NTNG1: variants seen among roughly 807,000 people sequenced by gnomAD.
NTNG1 encodes netrin-G1.
NTNG1 carries 16 observed loss-of-function variants against 54.0 expected under a neutral mutation model. That is an observed-to-expected ratio of 0.30 (90% confidence interval 0.20 to 0.45). The LOEUF (loss-of-function observed/expected upper bound fraction) is 0.45. Among genes scored for constraint, NTNG1 ranks in the 20% least tolerant of loss-of-function variants. The pLI is 1.00. For synonymous variants in NTNG1, 255 were observed against 263.1 expected, an observed-to-expected ratio of 0.97 and a Z score of 0.30; for missense variants, 530 against 678.7, an observed-to-expected ratio of 0.78 and a Z score of 2.43.
chr1:107,148,096 T>C lies in NTNG1; in HGVS notation c.-498T>C, dbSNP rs1275115438. On this transcript the variant is annotated 5_prime_UTR_variant, in exon 2 of 8. Transcript: ENST00000370068. ...TGTTGGTGCCAGAAGAAAAGAATGA[T>C]TGATGGGAAACAGACACCGGGCTAT... is the stretch of plus-strand genomic sequence containing the variant. The C allele has an allele frequency of 6.5e-6, 1 of 154,688 alleles. No homozygotes were observed. Among genetic ancestry groups the C allele is most frequent in the Non-Finnish European group, 1.4e-5 (1 of 69,748 alleles). The allele number at this position is 154,688 out of a possible 1,614,324, so 9.6% of individuals were successfully genotyped here.
chr1:107,431,065 T>C, intron 6 of NTNG1, 148 bp downstream of exon 6: 1 of 696,372 alleles, frequency 1.4e-6, no homozygotes. Context: ...ATTTCACTTG[T>C]GATTTCACTT....
chr1:107,238,965 G>A (rs190047837), intron 2 of NTNG1, among the ~76,000 whole-genome samples: 150 of 152,154 alleles, frequency 9.9e-4, no homozygotes, highest in African/African-American at 3.3e-3. Flanking sequence ...AGAAAGAGGC[G>A]AAGACAAACT....
At chr1:107,308,943 G>C (rs1469440780) in intron 2 of NTNG1, among the ~76,000 whole-genome samples, 2 of 152,034 alleles carry the variant, frequency 1.3e-5, no homozygotes, top group African/African-American at 4.8e-5. Context: ...CTTGACTGTT[G>C]TTGGCTTATC....
intron 5 of NTNG1, among the ~76,000 whole-genome samples, chr1:107,412,247 T>C (rs987335088): frequency 5.9e-5 from 9 of 152,216 alleles, no homozygotes; most frequent in Non-Finnish European, 1.3e-4. Flanking sequence ...TATGAATTCC[T>C]GTACTGTGCC....
intron 3 of NTNG1, among the ~76,000 whole-genome samples, chr1:107,327,715 C>T (rs1326911509): frequency 6.6e-6 from 1 of 151,956 alleles, no homozygotes; most frequent in Non-Finnish European, 1.5e-5. Flanking sequence ...CCCACCCCAC[C>T]ATAATGTGGA....
chr1:107,439,215 C>T (rs900153390), intron 7 of NTNG1, among the ~76,000 whole-genome samples: 1 of 151,826 alleles, frequency 6.6e-6, no homozygotes, highest in East Asian at 1.9e-4. Context: ...ATCAGTGGAG[C>T]TTTCCAGGAT....
chr1:107,478,069 T>G (rs1678448864), intron 7 of NTNG1, among the ~76,000 whole-genome samples: 1 of 152,204 alleles, frequency 6.6e-6, no homozygotes, highest in Non-Finnish European at 1.5e-5. Flanking sequence ...CCTAGCTTGT[T>G]TATTAGCTAC....
intron 2 of NTNG1, among the ~76,000 whole-genome samples, chr1:107,286,010 A>G (rs1237971156): frequency 1.3e-5 from 2 of 152,198 alleles, no homozygotes; most frequent in Non-Finnish European, 2.9e-5. Flanking sequence ...CATCAAAGAG[A>G]CTATGAAGAG....
intron 7 of NTNG1, among the ~76,000 whole-genome samples, chr1:107,446,024 C>T (rs1676287070): frequency 6.6e-6 from 1 of 152,016 alleles, no homozygotes. Flanking sequence ...CAAACTCAAA[C>T]AGCAATTCAA....
chr1:107,243,324 A>G (rs117982053), intron 2 of NTNG1, among the ~76,000 whole-genome samples: 2 of 152,356 alleles, frequency 1.3e-5, no homozygotes, highest in East Asian at 3.9e-4. Flanking sequence ...ATTCCAAGGA[A>G]TAACCTAAAT....
chr1:107,366,369 A>C (rs1435149604), intron 3 of NTNG1, among the ~76,000 whole-genome samples: 1 of 152,270 alleles, frequency 6.6e-6, no homozygotes, highest in South Asian at 2.1e-4. Flanking sequence ...TACTGAACAG[A>C]TGTAAGGGCA....
chr1:107,347,463 C>T (rs1266258431), intron 3 of NTNG1, among the ~76,000 whole-genome samples: 2 of 152,036 alleles, frequency 1.3e-5, no homozygotes, highest in African/African-American at 4.8e-5. Flanking sequence ...CGCAGTGAGC[C>T]GAGATTGCTC....
intron 2 of NTNG1, among the ~76,000 whole-genome samples, chr1:107,199,341 TA>T (rs11369205): frequency 1.0e-4 from 15 of 150,742 alleles, no homozygotes; most frequent in African/African-American, 3.7e-4. Context: ...ATTTAGGCCA[TA>T]AAAAAAATGC....
rs528719041 is a variant in NTNG1, at chr1:107,153,509, T to G, written c.246+4670T>G. On this transcript the variant is annotated intron_variant, in intron 2 of 7. Coordinates refer to ENST00000370068, the MANE Select transcript of NTNG1 (RefSeq NM_001113226.3). ...CCTTAATTATGCCAAAATGGAATTT[T>G]TAAAAACCTTCAGTTCTTTCATTAT... Among the ~76,000 whole-genome samples, 3 of 152,354 alleles carry G rather than the reference T, an allele frequency of 2.0e-5. No homozygotes were observed. In the South Asian group the frequency reaches 6.2e-4, roughly 32 times the overall value.
chr1:107,386,917 A>G (rs1383609884), intron 3 of NTNG1, among the ~76,000 whole-genome samples: 1 of 152,142 alleles, frequency 6.6e-6, no homozygotes, highest in Non-Finnish European at 1.5e-5. Flanking sequence ...ATTTGTTATC[A>G]TCCATCTTTG....
At chr1:107,401,222 C>A (rs914992042) in intron 4 of NTNG1, among the ~76,000 whole-genome samples, 1 of 152,102 alleles carries the variant, frequency 6.6e-6, no homozygotes, top group Non-Finnish European at 1.5e-5. Flanking sequence ...CAGGCCTCCC[C>A]GAGGGTTATT....
At chr1:107,209,942 A>C (rs569411667) in intron 2 of NTNG1, among the ~76,000 whole-genome samples, 8 of 150,852 alleles carry the variant, frequency 5.3e-5, no homozygotes, top group Non-Finnish European at 1.0e-4. Flanking sequence ...TTTAAATTGG[A>C]TGGTTCAGGA....
At chr1:107,269,081 A>G (rs911467250) in intron 2 of NTNG1, among the ~76,000 whole-genome samples, 1 of 152,224 alleles carries the variant, frequency 6.6e-6, no homozygotes, top group Non-Finnish European at 1.5e-5. Flanking sequence ...CTTTCCAGTG[A>G]CTCAATATCT....
chr1:107,473,117 A>G (rs1678090716), intron 7 of NTNG1, among the ~76,000 whole-genome samples: 1 of 152,170 alleles, frequency 6.6e-6, no homozygotes, highest in African/African-American at 2.4e-5. Flanking sequence ...TCAGGTGGTA[A>G]AGGTAGAGGT....
Sources: gnomAD v4.1 joint callset for allele counts (sites outside exome capture counted in the v4.1 genomes callset) on GRCh38, gnomAD v4.1.1 for gene constraint, MANE v1.5 for transcripts, NCBI Gene and HGNC (gene_info 2026-07-23, HGNC 2026-07-21) for gene names.